The following SCAPER variants were observed in gnomAD, a reference collection of about 807,000 sequenced individuals.
The protein encoded by SCAPER is S-phase cyclin A associated protein in the ER.
Under a neutral mutation model 182.2 loss-of-function variants are expected in SCAPER, and 98 were observed. The observed-to-expected ratio is 0.54, with a 90% CI of 0.46 to 0.64. The LOEUF (loss-of-function observed/expected upper bound fraction) is 0.64. Among genes scored for constraint, SCAPER ranks in the 30% least tolerant of loss-of-function variants. The pLI is 0.00. For synonymous variants in SCAPER, 605 were observed against 564.6 expected (o/e 1.07, Z -1.01); for missense variants, 1,432 against 1,690.0 (o/e 0.85, Z 2.68).
intron 21 of SCAPER, among the ~76,000 whole-genome samples, chr15:76,648,948 C>T (rs1180594742): frequency 6.6e-6 from 1 of 152,188 alleles, no homozygotes; most frequent in African/African-American, 2.4e-5. Context: ...GGTGGGATAG[C>T]CAGCTTCTTC....
At chr15:76,612,893 G>A (rs1438478950) in intron 22 of SCAPER, among the ~76,000 whole-genome samples, 1 of 152,116 alleles carries the variant, frequency 6.6e-6, no homozygotes, top group Non-Finnish European at 1.5e-5. Flanking sequence ...AACTACCATT[G>A]ATATTCTTCA....
chr15:76,826,951 A>G (rs2068067018), intron 5 of SCAPER, among the ~76,000 whole-genome samples: 1 of 152,086 alleles, frequency 6.6e-6, no homozygotes, highest in Non-Finnish European at 1.5e-5. Context: ...CTCATGATTC[A>G]TTTTTCAGTT....
intron 15 of SCAPER, among the ~76,000 whole-genome samples, chr15:76,743,711 G>T (rs764575041): frequency 6.6e-6 from 1 of 151,796 alleles, no homozygotes; most frequent in Admixed American, 6.6e-5. Context: ...CATTAAAATC[G>T]CCATAAGCAA....
intron 20 of SCAPER, among the ~76,000 whole-genome samples, chr15:76,691,257 A>G (rs2058342870): frequency 6.6e-6 from 1 of 152,066 alleles, no homozygotes; most frequent in African/African-American, 2.4e-5. Flanking sequence ...TTAAATTATT[A>G]AAGAAATTTT....
intron 14 of SCAPER, among the ~76,000 whole-genome samples, chr15:76,758,831 C>A (rs2062601208): frequency 6.6e-6 from 1 of 151,986 alleles, no homozygotes. Context: ...GTATTTTATT[C>A]TTTTTGTTGC....
intron 23 of SCAPER, among the ~76,000 whole-genome samples, chr15:76,566,125 C>A (rs1189801861): frequency 6.6e-6 from 1 of 152,074 alleles, no homozygotes; most frequent in African/African-American, 2.4e-5. Flanking sequence ...GCTCTTAAGG[C>A]TTACTGATTT....
Position 76,817,329 on chromosome 15 carries a change from T to C in SCAPER, c.394-12696A>G, listed in dbSNP as rs186733712. 2.8e-3 allele frequency among the ~76,000 whole-genome samples: 421 copies of C among 152,280 alleles called. 1 individual carries two copies. Among genetic ancestry groups the C allele is most frequent in the Non-Finnish European group, 5.2e-3 (351 of 68,030 alleles). ...AAGCCAGACCTACAAAGAAAAATAG[T>C]GTATGATCTCATTTATATATATATA... On this transcript the variant is annotated intron_variant, in intron 5 of 31. Coordinates refer to ENST00000563290, the MANE Select transcript of SCAPER (RefSeq NM_020843.4).
intron 24 of SCAPER, among the ~76,000 whole-genome samples, chr15:76,486,574 C>A (rs2051672928): frequency 6.6e-6 from 1 of 152,032 alleles, no homozygotes. Context: ...CTAAAGATGA[C>A]ATACATGCAG....
At chr15:76,531,615 A>G (rs968351870) in intron 23 of SCAPER, among the ~76,000 whole-genome samples, 15 of 152,136 alleles carry the variant, frequency 9.9e-5, no homozygotes, top group African/African-American at 3.6e-4. Context: ...GAAAAACAAA[A>G]GGGATGATGT....
chr15:76,562,520 G>A (rs556482109), intron 23 of SCAPER, among the ~76,000 whole-genome samples: 4 of 152,028 alleles, frequency 2.6e-5, no homozygotes, highest in African/African-American at 7.2e-5. Flanking sequence ...ATATGAAAAG[G>A]TGCCTCAACC....
chr15:76,516,305 C>T (rs2144165350), intron 23 of SCAPER, among the ~76,000 whole-genome samples: 1 of 151,922 alleles, frequency 6.6e-6, no homozygotes, highest in South Asian at 2.1e-4. Context: ...TAGTTTGCTG[C>T]ACCCATCAAC....
At chr15:76,800,497 T>C in intron 6 of SCAPER, 133 bp from the exon 7 acceptor site, 4 of 663,952 alleles carry the variant, frequency 6.0e-6, no homozygotes, top group Non-Finnish European at 1.1e-5. Flanking sequence ...TCACAACATG[T>C]GCAAATGTTC....
chr15:76,715,385 A>G (rs996827545), intron 17 of SCAPER, among the ~76,000 whole-genome samples: 3 of 152,088 alleles, frequency 2.0e-5, no homozygotes, highest in Non-Finnish European at 4.4e-5. Flanking sequence ...GGGATTCAGA[A>G]GCTCGGCTGA....
At chr15:76,657,230 T>C (rs775187380) in intron 21 of SCAPER, among the ~76,000 whole-genome samples, 3 of 151,966 alleles carry the variant, frequency 2.0e-5, no homozygotes, top group Non-Finnish European at 4.4e-5. Flanking sequence ...ATACCAGCCC[T>C]ACAGAAATGT....
intron 17 of SCAPER, among the ~76,000 whole-genome samples, chr15:76,725,032 G>A (rs746957508): frequency 5.9e-5 from 9 of 152,054 alleles, no homozygotes; most frequent in Non-Finnish European, 1.0e-4. Context: ...CACACTGGGA[G>A]CTGTAGACTG....
intron 27 of SCAPER, among the ~76,000 whole-genome samples, chr15:76,393,275 T>C (rs911403241): frequency 6.6e-6 from 1 of 152,236 alleles, no homozygotes; most frequent in African/African-American, 2.4e-5. Flanking sequence ...AGCAGGACTC[T>C]TGAATGCTTG....
intron 8 of SCAPER, among the ~76,000 whole-genome samples, chr15:76,784,037 C>T (rs562712930): frequency 1.3e-5 from 2 of 152,058 alleles, no homozygotes; most frequent in Non-Finnish European, 2.9e-5. Context: ...CTGGCCAGGG[C>T]AATCAGGCAA....
intron 22 of SCAPER, among the ~76,000 whole-genome samples, chr15:76,581,931 C>T (rs961602308): frequency 6.6e-6 from 1 of 151,884 alleles, no homozygotes; most frequent in African/African-American, 2.4e-5. Context: ...TGATAAAAAC[C>T]CTCAAAAAAC....
At chr15:76,857,448 T>TAA (rs77488089) in intron 4 of SCAPER, among the ~76,000 whole-genome samples, 1 of 139,550 alleles carries the variant, frequency 7.2e-6, no homozygotes, top group Non-Finnish European at 1.6e-5. Flanking sequence ...AAAAAAAAGT[T>TAA]AAAAAAAAAA....
Sources: allele counts gnomAD v4.1 joint callset (sites outside exome capture counted in the v4.1 genomes callset), GRCh38; gene constraint gnomAD v4.1.1; transcripts MANE v1.5; gene names NCBI Gene and HGNC (gene_info 2026-07-23, HGNC 2026-07-21).